The following EDAR variants were observed in gnomAD, a reference collection of about 807,000 sequenced individuals.
EDAR encodes tumor necrosis factor receptor superfamily member EDAR.
In EDAR, 38 loss-of-function variants were observed where a neutral mutation model predicts 51.3. That is an observed-to-expected ratio of 0.74 (90% CI 0.57 to 0.97). The LOEUF (loss-of-function observed/expected upper bound fraction) is 0.97, where lower values mean the gene tolerates loss of function less well. Among genes scored for constraint, EDAR ranks in the 50% least tolerant of loss-of-function variants. EDAR has a pLI of 0.00. For synonymous variants in EDAR, 227 were observed against 242.1 expected (o/e 0.94, Z 0.58); for missense variants, 528 against 595.0 (o/e 0.89, Z 1.17).
intron 1 of EDAR, among the ~76,000 whole-genome samples, chr2:108,969,171 GGT>G (rs1440906099): frequency 4.1e-4 from 62 of 152,126 alleles, no homozygotes; most frequent in African/African-American, 1.4e-3. Context: ...CTCTATGGCT[GGT>G]CTTGATCTCT....
intron 5 of EDAR, among the ~76,000 whole-genome samples, chr2:108,917,344 C>G (rs565870411): frequency 6.6e-6 from 1 of 152,116 alleles, no homozygotes; most frequent in African/African-American, 2.4e-5. Context: ...AGCTCTGGCA[C>G]GCTGCAGGGT....
rs1290623120 is a variant in EDAR, at chr2:108,910,470, G to A, written c.793C>T (p.Pro265Ser). 1.2e-6 allele frequency: 2 copies of A among 1,613,442 alleles called. No individual in the cohort carries two copies. Among genetic ancestry groups the A allele is most frequent in the South Asian group, 2.2e-5 (2 of 90,968 alleles). Residue 265 changes from proline (P) to serine (S), a missense_variant, in exon 9 of 12, where the codon CCC (proline) becomes TCC (serine). Pro to Ser is a moderately conservative substitution (Grantham distance 74). Transcript: ENST00000258443. ...FEKLTATPAK[P>S]TKSENDASSE... ...GGGGCTTCCACATACCTCTTGGTGGGCTTTGCTGGAGTTGCTGTCAGCTTC... is the reference window on the plus strand; with the variant it reads ...GGGGCTTCCACATACCTCTTGGTGGACTTTGCTGGAGTTGCTGTCAGCTTC...
At chr2:108,939,087 C>G (rs1274055321) in intron 1 of EDAR, among the ~76,000 whole-genome samples, 1 of 151,990 alleles carries the variant, frequency 6.6e-6, no homozygotes, top group East Asian at 1.9e-4. Flanking sequence ...CACTCTAGGA[C>G]TCTTATATAA....
Position 108,929,320 on chromosome 2 carries a change from C to T in EDAR, c.234G>A (p.Lys78=). 8 of 1,614,142 alleles carry T rather than the reference C, an allele frequency of 5.0e-6. No homozygotes were observed. The highest frequency in any genetic ancestry group is 6.8e-6 in the Non-Finnish European group (8 of 1,180,010). ...ATATCTGGTAGCCTCCTTTGGAAAA[C>T]TTCTCCGCCGGGCAGGGGACGCAGC... ...DYGCVPCPAE[K]FSKGGYQICR... Residue 78 remains lysine (K), a synonymous_variant, in exon 4 of 12, where the codon AAG becomes AAA. Transcript: ENST00000258443.
chr2:108,945,029 C>T (rs72937984), intron 1 of EDAR, among the ~76,000 whole-genome samples: 2,375 of 152,186 alleles, frequency 0.016, 65 homozygotes, highest in African/African-American at 0.056. Context: ...AAAAGTTGCC[C>T]CCTGCTGTCT....
At chr2:108,899,811 C>T (rs1290761951) in intron 11 of EDAR, among the ~76,000 whole-genome samples, 1 of 152,058 alleles carries the variant, frequency 6.6e-6, no homozygotes, top group Non-Finnish European at 1.5e-5. Flanking sequence ...CATGGTGAAA[C>T]CCCGTCTCTA....
intron 1 of EDAR, among the ~76,000 whole-genome samples, chr2:108,940,549 A>C (rs1009473424): frequency 2.6e-5 from 4 of 152,248 alleles, no homozygotes; most frequent in Non-Finnish European, 5.9e-5. Context: ...TGAGCCCCAG[A>C]TCGGGCGGAG....
At chr2:108,907,807 G>A (rs1004565658) in intron 10 of EDAR, 53 bp downstream of exon 10, 2 of 1,606,170 alleles carry the variant, frequency 1.2e-6, no homozygotes, top group African/African-American at 2.7e-5. Context: ...TAGTCTTGCG[G>A]CTGTGAGGGA....
intron 10 of EDAR, 36 bp from the exon 11 acceptor site, chr2:108,906,404 A>G (rs1338620999): frequency 6.8e-6 from 11 of 1,612,230 alleles, no homozygotes; most frequent in Non-Finnish European, 9.3e-6. Flanking sequence ...ATCTCCAGAA[A>G]GGGGCAACAG....
chr2:108,975,556 T>C (rs1698308280), intron 1 of EDAR, among the ~76,000 whole-genome samples: 1 of 152,140 alleles, frequency 6.6e-6, no homozygotes, highest in Non-Finnish European at 1.5e-5. Context: ...GGGTGGACTG[T>C]AGGCTCAGCT....
intron 1 of EDAR, among the ~76,000 whole-genome samples, chr2:108,955,827 C>A (rs970485291): frequency 6.6e-6 from 1 of 152,158 alleles, no homozygotes; most frequent in Non-Finnish European, 1.5e-5. Context: ...GAGATTGAGA[C>A]CATCCTGGCT....
At chr2:108,933,892 G>T (rs574829375) in intron 1 of EDAR, among the ~76,000 whole-genome samples, 1 of 152,232 alleles carries the variant, frequency 6.6e-6, no homozygotes, top group East Asian at 2.0e-4. Flanking sequence ...CCTGGACTTG[G>T]CTTCAGGATG....
intron 1 of EDAR, among the ~76,000 whole-genome samples, chr2:108,938,144 G>T (rs535316410): frequency 3.9e-5 from 6 of 152,308 alleles, no homozygotes; most frequent in African/African-American, 1.2e-4. Flanking sequence ...GGCAGGAAGA[G>T]CATGGAAAAT....
intron 5 of EDAR, among the ~76,000 whole-genome samples, 184 bp from the exon 6 acceptor site, chr2:108,912,948 CTTT>C (rs373117728): frequency 6.5e-5 from 9 of 139,106 alleles, no homozygotes; most frequent in South Asian, 2.3e-4. Context: ...CGTTATTGTT[CTTT>C]TTTTTTTTTT....
At chr2:108,957,041 C>T (rs1230225254) in intron 1 of EDAR, among the ~76,000 whole-genome samples, 2 of 152,234 alleles carry the variant, frequency 1.3e-5, no homozygotes, top group African/African-American at 2.4e-5. Flanking sequence ...CTGCCTGCCT[C>T]GGCCTCCCAA....
intron 1 of EDAR, among the ~76,000 whole-genome samples, chr2:108,963,341 T>C (rs1335274692): frequency 6.6e-6 from 1 of 152,210 alleles, no homozygotes; most frequent in African/African-American, 2.4e-5. Context: ...TCAAGAGCCC[T>C]TCAAAATCTG....
Position 108,929,256 on chromosome 2 carries a change from T to C in EDAR, c.298A>G (p.Thr100Ala). 1 of 1,614,164 alleles carries C rather than the reference T, an allele frequency of 6.2e-7. No individual in the cohort carries two copies. The highest frequency in any genetic ancestry group is 8.5e-7 in the Non-Finnish European group (1 of 1,180,030). The change falls in exon 4 of 12, where the codon ACC becomes GCC. Residue 100 changes from threonine (T) to alanine (A), a missense_variant. Coordinates refer to ENST00000258443, the MANE Select transcript of EDAR (RefSeq NM_022336.4). ...HKDCEGFFRA[T>A]VLTPGDMEND... ...TCCATGTCCCCTGGTGTCAGCACGG[T>C]GGCCCGGAAGAAGCCCTCACAGTCT...
intron 1 of EDAR, among the ~76,000 whole-genome samples, chr2:108,957,092 G>A (rs1440673137): frequency 6.6e-6 from 1 of 152,166 alleles, no homozygotes; most frequent in Non-Finnish European, 1.5e-5. Context: ...GCCCAGCCAA[G>A]GCAAAGGCTG....
At chr2:108,956,638 C>A (rs1697930289) in intron 1 of EDAR, among the ~76,000 whole-genome samples, 1 of 152,192 alleles carries the variant, frequency 6.6e-6, no homozygotes, top group South Asian at 2.1e-4. Flanking sequence ...TGGGCAGTTC[C>A]TTCCATCTGC....
Sources: allele counts gnomAD v4.1 joint callset (sites outside exome capture counted in the v4.1 genomes callset), GRCh38; gene constraint gnomAD v4.1.1; transcripts MANE v1.5; gene names NCBI Gene and HGNC (gene_info 2026-07-23, HGNC 2026-07-21).